The following MUC5AC variants were observed in gnomAD, a reference collection of about 807,000 sequenced individuals.
The protein encoded by MUC5AC is mucin-5AC.
Under a neutral mutation model 169.7 loss-of-function variants are expected in MUC5AC, and 158 were observed. That is an observed-to-expected ratio of 0.93 (90% confidence interval 0.82 to 1.06). MUC5AC has a LOEUF of 1.06. MUC5AC is among the 50% of genes least tolerant of loss of function. The pLI is 0.00. For synonymous variants in MUC5AC, 1,975 were observed against 1,237.0 expected (o/e 1.60, Z -12.52); for missense variants, 4,359 against 3,089.9 (o/e 1.41, Z -9.74).
intron 30 of MUC5AC, among the ~76,000 whole-genome samples, chr11:1,181,813 ACCC>A (rs1350782023): frequency 3.0e-4 from 46 of 152,238 alleles, no homozygotes; most frequent in Non-Finnish European, 5.0e-4. Flanking sequence ...GGGCTCAGGT[ACCC>A]CCATGTCCTC....
chr11:1,178,216 C>G (rs36154966), intron 24 of MUC5AC, among the ~76,000 whole-genome samples: 26,837 of 152,206 alleles, frequency 0.18, 2,556 homozygotes, highest in Non-Finnish European at 0.19. Context: ...AGGGGCTTGC[C>G]TCTGGCTCCG....
chr11:1,161,424 G>A, intron 2 of MUC5AC, 103 bp from the exon 3 acceptor site: 2 of 935,072 alleles, frequency 2.1e-6, no homozygotes, highest in Non-Finnish European at 3.0e-6. Flanking sequence ...TGGCTTCGGA[G>A]CCAGGAGCTG....
chr11:1,168,718 G>T lies in MUC5AC; in HGVS notation c.1644G>T (p.Gln548His). 3.1e-6 allele frequency: 5 copies of T among 1,610,596 alleles called. No individual in the cohort carries two copies. Among genetic ancestry groups the T allele is most frequent in the Non-Finnish European group, 3.4e-6 (4 of 1,178,118 alleles). ...GCCTGGGCCTGCAGCTGAACCTGCA[G>T]CTGGTGCCCACCATGCAGCTGTTCA... is the stretch of plus-strand genomic sequence containing the variant. ...QTSLGLQLNL[Q>H]LVPTMQLFMQ... Residue 548 changes from glutamine to histidine, a missense_variant, in exon 14 of 49, where the codon CAG becomes CAT. Gln to His is a conservative substitution (Grantham distance 24, BLOSUM62 0). Transcript: ENST00000621226.
rs1480569731 is a variant in MUC5AC, at chr11:1,199,423, A to G, written c.16448A>G (p.Glu5483Gly). ...AGNHCVTHQC[E>G]KHQDGLVVVT... is the part of the protein sequence containing the mutation. ...AACCACTGTGTGACCCACCAGTGTG[A>G]GAAGCACCAGGATGGGCTCGTGGTG... The change falls in exon 46 of 49, where the codon GAG (glutamate) becomes GGG (glycine). Residue 5483 changes from glutamate to glycine, a missense_variant. By Grantham distance (98) the Glu-to-Gly change is moderately conservative. Coordinates refer to ENST00000621226, the MANE Select transcript of MUC5AC (RefSeq NM_001304359.2). 10 of 732,290 alleles carry G rather than the reference A, an allele frequency of 1.4e-5. No homozygotes were observed. Among genetic ancestry groups the G allele is most frequent in the Non-Finnish European group, 2.2e-5 (9 of 401,704 alleles). 45.4% of individuals were successfully genotyped at this position (732,290 alleles called of 1,614,324 possible). A position where few individuals can be genotyped will look rare whatever the true frequency, so the allele number is the denominator to read the frequency against.
chr11:1,181,732 G>C (rs1284397877), intron 30 of MUC5AC, among the ~76,000 whole-genome samples: 1 of 152,192 alleles, frequency 6.6e-6, no homozygotes, highest in Non-Finnish European at 1.5e-5. Context: ...TGGCCTCATT[G>C]GGGTGTCAGG....
Position 1,186,712 on chromosome 11 carries a change from C to A in MUC5AC, c.8567C>A (p.Pro2856His). Residue 2856 changes from proline (P) to histidine (H), a missense_variant, in exon 31 of 49, where the codon CCT becomes CAT. Transcript: ENST00000621226. ...CCTACAACCAGCACAACCTCTGCCC[C>A]TACAACCAGAACAACCTCTGTCCCT... Reference protein sequence around the residue: ...SAPTTSTTSAPTTRTTSVPTS... With the variant: ...SAPTTSTTSAHTTRTTSVPTS... 1 of 732,138 alleles carries A rather than the reference C, an allele frequency of 1.4e-6. No homozygotes were observed. The highest frequency in any genetic ancestry group is 2.5e-5 in the East Asian group (1 of 39,414). The allele number at this position is 732,138 out of a possible 1,614,324, so 45.4% of individuals were successfully genotyped here.
chr11:1,192,922 A>G lies in MUC5AC; in HGVS notation c.14520A>G (p.Ser4840=). ...TLPPAPATSP[S]ISTSEPVTEL... ...CTCCTGCCCCAGCCACGTCCCCTTC[A>G]ATATCCACCTCCGAGCCCGTCACTG... is the stretch of plus-strand genomic sequence containing the variant. Residue 4840 remains serine, a synonymous_variant, in exon 32 of 49, where the codon TCA becomes TCG. Coordinates refer to ENST00000621226, the MANE Select transcript of MUC5AC (RefSeq NM_001304359.2). The G allele has an allele frequency of 2.6e-6, 2 of 760,842 alleles. No individual in the cohort carries two copies. The highest frequency in any genetic ancestry group is 2.4e-6 in the Non-Finnish European group (1 of 415,878). The allele number at this position is 760,842 out of a possible 1,614,324, so 47.1% of individuals were successfully genotyped here.
At position 1,187,792 on chromosome 11, in the gene MUC5AC, A is replaced by G. The variant is rs1419251468; in HGVS notation, c.9647A>G (p.Gln3216Arg). Residue 3216 changes from glutamine to arginine, a missense_variant, in exon 31 of 49, where the codon CAA becomes CGA. Coordinates refer to ENST00000621226, the MANE Select transcript of MUC5AC (RefSeq NM_001304359.2). ...HVSISKTTHS[Q>R]PVTRDCHLRC... ...TCCATATCCAAGACAACCCACTCCC[A>G]ACCAGTCACCAGAGACTGTCATCTC... 1.3e-6 allele frequency: 1 copy of G among 764,948 alleles called. No individual in the cohort carries two copies. The highest frequency in any genetic ancestry group is 2.4e-6 in the Non-Finnish European group (1 of 417,866). The allele number at this position is 764,948 out of a possible 1,614,324, so 47.4% of individuals were successfully genotyped here. A position where few individuals can be genotyped will look rare whatever the true frequency, so the allele number is the denominator to read the frequency against.
chr11:1,163,698 C>A (rs1006549597), intron 6 of MUC5AC, among the ~76,000 whole-genome samples, 184 bp from the exon 7 acceptor site: 1 of 152,134 alleles, frequency 6.6e-6, no homozygotes, highest in Admixed American at 6.5e-5. Flanking sequence ...AGGGTCCCAG[C>A]AGCATGCATG....
intron 15 of MUC5AC, 129 bp downstream of exon 15, chr11:1,169,155 G>A (rs1045895181): frequency 1.2e-5 from 17 of 1,413,170 alleles, no homozygotes; most frequent in Non-Finnish European, 1.5e-5. Flanking sequence ...CTCACGAAGG[G>A]GCCCAAGGAC....
chr11:1,197,830 G>C lies in MUC5AC; in HGVS notation c.16034-73G>C, dbSNP rs1861317674. 22 of 661,678 alleles carry C rather than the reference G, an allele frequency of 3.3e-5. No homozygotes were observed. The South Asian group carries it at 3.5e-4, about 11-fold the overall frequency. The allele number at this position is 661,678 out of a possible 1,614,324, so 41.0% of individuals were successfully genotyped here. On this transcript the variant is annotated intron_variant, in intron 41 of 48. Transcript: ENST00000621226. ...GCTGTCTAGGCGGTCCGCAATCCTA[G>C]AGACCCCAGGGGGTGGGCCTTCGGG...
chr11:1,192,585 G>A, intron 31 of MUC5AC, 60 bp downstream of exon 31: 1 of 739,238 alleles, frequency 1.4e-6, no homozygotes, highest in Non-Finnish European at 2.5e-6. Context: ...TTTTTATCCA[G>A]GAACGCCAAG....
rs79836765 is a variant in MUC5AC at position 1,160,634 on chromosome 11, C to T, written c.96C>T (p.Ser32=). The T allele has an allele frequency of 1.1e-5, 18 of 1,610,052 alleles. No homozygotes were observed. The highest frequency in any genetic ancestry group is 2.7e-5 in the African/African-American group (2 of 75,022). ...RHTGHAQDGS[S]ESSYKHHPAL... is the part of the protein sequence containing the mutation. ...CAGGCCATGCCCAGGATGGCTCCTC[C>T]GAATCCAGCTACAAGCACCACCCTG... is the stretch of plus-strand genomic sequence containing the variant. The change falls in exon 2 of 49, where the codon TCC becomes TCT. Residue 32 remains serine, a synonymous_variant. Transcript: ENST00000621226.
chr11:1,169,930 TCACTCGCC>T (rs1860450710), intron 15 of MUC5AC, among the ~76,000 whole-genome samples: 4 of 111,048 alleles, frequency 3.6e-5, no homozygotes, highest in African/African-American at 1.1e-4. Flanking sequence ...ACCCATTCAC[TCACTCGCC>T]CACTCACCCA....
chr11:1,160,452 T>C (rs1236728490), intron 1 of MUC5AC, among the ~76,000 whole-genome samples, 160 bp from the exon 2 acceptor site: 2 of 82,666 alleles, frequency 2.4e-5, no homozygotes, highest in Admixed American at 2.5e-4. Context: ...AGAGGCCTCC[T>C]AGGACCCCCC....
Position 1,160,623 on chromosome 11 carries a change from G to T in MUC5AC, c.85G>T (p.Asp29Tyr), listed in dbSNP as rs1250696382. 6.2e-7 allele frequency: 1 copy of T among 1,608,968 alleles called. No individual in the cohort carries two copies. The highest frequency in any genetic ancestry group is 2.2e-5 in the East Asian group (1 of 44,808). ...TCCTCTTTCTGCAGGCCATGCCCAG[G>T]ATGGCTCCTCCGAATCCAGCTACAA... The part of the protein sequence containing the change: ...ACTRHTGHAQ[D>Y]GSSESSYKHH... Residue 29 changes from aspartate (D) to tyrosine (Y), a missense_variant, in exon 2 of 49, where the codon GAT becomes TAT. Coordinates refer to ENST00000621226, the MANE Select transcript of MUC5AC (RefSeq NM_001304359.2).
In MUC5AC at chr11:1,185,155, C is replaced by G; in HGVS notation, c.7010C>G (p.Thr2337Arg). The G allele has an allele frequency of 1.4e-6, 1 of 728,824 alleles. No homozygotes were observed. The highest frequency in any genetic ancestry group is 2.5e-6 in the Non-Finnish European group (1 of 399,568). 45.1% of individuals were successfully genotyped at this position (728,824 alleles called of 1,614,324 possible). The change falls in exon 31 of 49, where the codon ACA (threonine) becomes AGA (arginine). Residue 2337 changes from threonine (T) to arginine (R), a missense_variant. Thr to Arg is a moderately conservative substitution (Grantham distance 71). Transcript: ENST00000621226. ...ACAACCAGCACAACCTCTGCCCCTA[C>G]AAGCAGCACAACCTCTGGTCCTGGA... Reference protein sequence around the residue: ...APTTSTTSAPTSSTTSGPGTT... With the variant: ...APTTSTTSAPRSSTTSGPGTT...
chr11:1,168,173 C>T (rs952457207), intron 12 of MUC5AC, among the ~76,000 whole-genome samples, 186 bp downstream of exon 12: 1 of 152,164 alleles, frequency 6.6e-6, no homozygotes, highest in African/African-American at 2.4e-5. Context: ...AGCTCAGGGC[C>T]GGGCCTCCCG....
In MUC5AC at chr11:1,177,868, C is replaced by T. The variant is rs983686680; in HGVS notation, c.3087+235C>T. ...AGGCCCGCACCCTGGCGGATTTGCC[C>T]GCAGCCTGGACACTGGAAGTCCAGC... On this transcript the variant is annotated intron_variant, in intron 24 of 48. Coordinates refer to ENST00000621226, the MANE Select transcript of MUC5AC (RefSeq NM_001304359.2). Among the ~76,000 whole-genome samples the T allele has an allele frequency of 1.8e-3, 280 of 152,290 alleles. 2 individuals are homozygous for T. Among genetic ancestry groups the T allele is most frequent in the Admixed American group, 0.016 (248 of 15,302 alleles).
Sources: gnomAD v4.1 joint callset for allele counts (sites outside exome capture counted in the v4.1 genomes callset) on GRCh38, gnomAD v4.1.1 for gene constraint, MANE v1.5 for transcripts, NCBI Gene and HGNC (gene_info 2026-07-23, HGNC 2026-07-21) for gene names.